KLK6: variants seen among roughly 807,000 people sequenced by gnomAD.
The protein encoded by KLK6 is kallikrein-6.
KLK6 carries 16 observed loss-of-function variants against 21.7 expected under a neutral mutation model. The ratio of observed to expected loss-of-function variants is 0.74; its 90% CI spans 0.50 to 1.12. KLK6 has a LOEUF of 1.12. KLK6 is among the 50% of genes most tolerant of loss of function. The pLI is 0.00. For missense variants in KLK6, 276 were observed against 304.6 expected (o/e 0.91, Z 0.70); for synonymous variants, 116 against 120.1 (o/e 0.97, Z 0.22).
chr19:50,961,699 C>T (rs369860585), intron 6 of KLK6, 45 bp downstream of exon 6: 23 of 1,593,372 alleles, frequency 1.4e-5, no homozygotes, highest in East Asian at 4.5e-5. Context: ...TTTGTGACTT[C>T]GTCCTGTCCC....
At chr19:50,967,694 G>T (rs2090949380) in intron 3 of KLK6, among the ~76,000 whole-genome samples, 1 of 110,140 alleles carries the variant, frequency 9.1e-6, no homozygotes, top group Non-Finnish European at 2.1e-5. Context: ...GACAGAGTGA[G>T]ACCCTGTCTC....
intron 6 of KLK6, among the ~76,000 whole-genome samples, chr19:50,961,353 G>A (rs979812821): frequency 2.8e-5 from 4 of 144,198 alleles, no homozygotes; most frequent in African/African-American, 1.0e-4. Context: ...TGTATTTTTA[G>A]TAGAGATAGG....
chr19:50,962,944 A>G (rs1459481192), intron 5 of KLK6, among the ~76,000 whole-genome samples: 3 of 151,758 alleles, frequency 2.0e-5, no homozygotes, highest in Non-Finnish European at 4.4e-5. Context: ...TTCCTTCTCC[A>G]TTATTCCTTC....
intron 6 of KLK6, among the ~76,000 whole-genome samples, chr19:50,961,015 C>T (rs543894604): frequency 4.6e-5 from 7 of 152,326 alleles, no homozygotes; most frequent in African/African-American, 7.2e-5. Context: ...TCACCCACCT[C>T]GGCCTCCCAA....
At chr19:50,965,068 A>G (rs1361286174) in intron 4 of KLK6, among the ~76,000 whole-genome samples, 6 of 152,066 alleles carry the variant, frequency 3.9e-5, no homozygotes, top group Non-Finnish European at 8.8e-5. Flanking sequence ...ATTTGTAATT[A>G]TATGGGGTTT....
chr19:50,961,643 G>A, intron 6 of KLK6, 101 bp downstream of exon 6: 3 of 1,413,766 alleles, frequency 2.1e-6, no homozygotes, highest in Non-Finnish European at 2.9e-6. Context: ...TCTCTGTAAA[G>A]CTCTCTTTTG....
chr19:50,963,326 G>T lies in KLK6; in HGVS notation c.421C>A (p.Leu141Met). Residue 141 changes from leucine to methionine, a missense_variant, in exon 5 of 7, where the codon CTG becomes ATG. Leu to Met is a conservative substitution (Grantham distance 15). Coordinates refer to ENST00000310157, the MANE Select transcript of KLK6 (RefSeq NM_002774.4). ...CSANTTSCHI[L>M]GWGKTADGDF... ...CCATCTGCTGTCTTGCCCCAGCCCA[G>T]GATGTGGCAGCTGGTGGTGTTGGCT... is the stretch of plus-strand genomic sequence containing the variant. 6.2e-7 allele frequency: 1 copy of T among 1,614,018 alleles called. No homozygotes were observed. The highest frequency in any genetic ancestry group is 8.5e-7 in the Non-Finnish European group (1 of 1,179,896).
intron 5 of KLK6, chr19:50,962,877 T>C (rs780947653): frequency 1.1e-4 from 23 of 201,822 alleles, no homozygotes; most frequent in Non-Finnish European, 1.9e-4. Context: ...ATTCACTGTC[T>C]CAATTCACAT....
chr19:50,967,102 G>T, intron 4 of KLK6, 67 bp downstream of exon 4: 1 of 1,568,880 alleles, frequency 6.4e-7, no homozygotes, highest in Non-Finnish European at 8.8e-7. Flanking sequence ...GTCACCTCCT[G>T]CCTGACATCT....
Position 50,960,749 on chromosome 19 carries a change from T to C in KLK6, c.582+995A>G, listed in dbSNP as rs142090880. Reference sequence around the variant, plus strand: ...CTGGGACTACAGGTGTGTCCCACCATGCTTGCGTAATTTTTGTTTTTTGGT... The same window carrying C: ...CTGGGACTACAGGTGTGTCCCACCACGCTTGCGTAATTTTTGTTTTTTGGT... On this transcript the variant is annotated intron_variant, in intron 6 of 6. Transcript: ENST00000310157. Among the ~76,000 whole-genome samples, 500 of 151,928 alleles carry C rather than the reference T, an allele frequency of 3.3e-3. 1 individual carries two copies. Among genetic ancestry groups the C allele is most frequent in the Middle Eastern group, 0.017 (5 of 294 alleles).
At chr19:50,967,847 A>G (rs2090951535) in intron 3 of KLK6, among the ~76,000 whole-genome samples, 1 of 151,626 alleles carries the variant, frequency 6.6e-6, no homozygotes, top group Non-Finnish European at 1.5e-5. Flanking sequence ...CCATCCCTAA[A>G]GCCAACCCCA....
intron 3 of KLK6, 21 bp from the exon 4 acceptor site, chr19:50,967,346 G>A (rs2090942428): frequency 3.8e-6 from 6 of 1,578,942 alleles, no homozygotes; most frequent in Non-Finnish European, 5.2e-6. Context: ...GAAGATCTGA[G>A]TCAGAGAGGA....
intron 4 of KLK6, chr19:50,963,766 T>C (rs2090882983): frequency 1.8e-6 from 1 of 565,964 alleles, no homozygotes; most frequent in East Asian, 3.1e-5. Flanking sequence ...TCCTTTTGCC[T>C]CTCTGAAGCA....
chr19:50,960,694 G>A (rs146362208), intron 6 of KLK6, among the ~76,000 whole-genome samples: 2,801 of 152,142 alleles, frequency 0.018, 102 homozygotes, highest in African/African-American at 0.064. Context: ...CTGGGTTTAA[G>A]CAATTCTCCA....
At position 50,958,974 on chromosome 19, in the gene KLK6, G is replaced by T; in HGVS notation, c.*190C>A. 1 of 638,114 alleles carries T rather than the reference G, an allele frequency of 1.6e-6. No individual in the cohort carries two copies. The highest frequency in any genetic ancestry group is 2.8e-6 in the Non-Finnish European group (1 of 357,692). 39.5% of individuals were successfully genotyped at this position (638,114 alleles called of 1,614,324 possible). ...GAGGACCCAAGTCCTCACTCATCAC[G>T]TCCTCCCCAGTGATGCAAGGATGGA... is the stretch of plus-strand genomic sequence containing the variant. On this transcript the variant is annotated 3_prime_UTR_variant, in exon 7 of 7. Coordinates refer to ENST00000310157, the MANE Select transcript of KLK6 (RefSeq NM_002774.4).
intron 4 of KLK6, among the ~76,000 whole-genome samples, chr19:50,965,901 A>G (rs898344167): frequency 1.3e-5 from 2 of 152,156 alleles, no homozygotes; most frequent in South Asian, 2.1e-4. Flanking sequence ...CCTGATTGGT[A>G]GTTAGCATCA....
intron 3 of KLK6, among the ~76,000 whole-genome samples, chr19:50,967,553 A>AC (rs2090947514): frequency 7.1e-6 from 1 of 140,486 alleles, no homozygotes; most frequent in Non-Finnish European, 1.6e-5. Context: ...ACACACACAA[A>AC]TTAGCAGGGT....
intron 4 of KLK6, among the ~76,000 whole-genome samples, chr19:50,964,027 G>A (rs2090887556): frequency 6.6e-6 from 1 of 152,100 alleles, no homozygotes; most frequent in Admixed American, 6.6e-5. Context: ...AGTTCTCAAC[G>A]TGGCACACCA....
chr19:50,961,491 C>A (rs114817507), intron 6 of KLK6, among the ~76,000 whole-genome samples: 1 of 152,170 alleles, frequency 6.6e-6, no homozygotes, highest in African/African-American at 2.4e-5. Context: ...CTTGATCCCG[C>A]GGCCTCCATC....
Sources: allele counts gnomAD v4.1 joint callset (sites outside exome capture counted in the v4.1 genomes callset), GRCh38; gene constraint gnomAD v4.1.1; transcripts MANE v1.5; gene names NCBI Gene and HGNC (gene_info 2026-07-23, HGNC 2026-07-21).